Variants in PHF20 observed in about 807,000 individuals in gnomAD.
PHF20 encodes the protein PHD finger protein 20.
PHF20 carries 23 observed loss-of-function variants against 113.5 expected under a neutral mutation model. That is an observed-to-expected ratio of 0.20 (90% CI 0.15 to 0.29). The LOEUF is 0.29. Ranked by LOEUF, PHF20 falls within the 10% of genes least tolerant of loss-of-function variation. The pLI, the probability that PHF20 is intolerant of heterozygous loss-of-function variation, is 1.00. For missense variants in PHF20, 943 were observed against 1,219.6 expected (o/e 0.77, Z 3.38); for synonymous variants, 434 against 457.3 (o/e 0.95, Z 0.65).
At chr20:35,897,716 G>C (rs9753593) in intron 9 of PHF20, among the ~76,000 whole-genome samples, 6 of 151,488 alleles carry the variant, frequency 4.0e-5, no homozygotes, top group African/African-American at 9.7e-5. Context: ...ACAGGTGCCC[G>C]ACACCACGCC....
intron 2 of PHF20, among the ~76,000 whole-genome samples, chr20:35,823,732 C>T (rs1360717457): frequency 1.3e-5 from 2 of 151,880 alleles, no homozygotes; most frequent in African/African-American, 4.8e-5. Context: ...TGTAATCAGC[C>T]TCTCCTGGCA....
chr20:35,833,141 T>C (rs1372840921), intron 2 of PHF20, among the ~76,000 whole-genome samples: 1 of 152,134 alleles, frequency 6.6e-6, no homozygotes, highest in Non-Finnish European at 1.5e-5. Context: ...AGAAAATGTT[T>C]GTGGAATTAT....
chr20:35,874,520 G>T (rs1600858407), intron 9 of PHF20, among the ~76,000 whole-genome samples: 1 of 151,098 alleles, frequency 6.6e-6, no homozygotes. Context: ...GTCTCACTCT[G>T]TTTCCCAGGC....
At chr20:35,920,753 T>C (rs978430388) in intron 13 of PHF20, among the ~76,000 whole-genome samples, 5 of 152,288 alleles carry the variant, frequency 3.3e-5, no homozygotes, top group South Asian at 2.1e-4. Context: ...CACACATACA[T>C]ACCCACACTT....
chr20:35,851,597 T>A (rs2042732762), intron 4 of PHF20, among the ~76,000 whole-genome samples: 1 of 151,934 alleles, frequency 6.6e-6, no homozygotes, highest in African/African-American at 2.4e-5. Flanking sequence ...CCGCCCCTTT[T>A]TTTTTGCCTA....
chr20:35,933,498 G>A (rs543810721), intron 15 of PHF20, among the ~76,000 whole-genome samples: 2 of 151,986 alleles, frequency 1.3e-5, no homozygotes, highest in East Asian at 1.9e-4. Context: ...CTGGGTTCAC[G>A]CCATTCTCCT....
chr20:35,898,090 G>A (rs1041245853), intron 9 of PHF20, among the ~76,000 whole-genome samples: 1 of 151,494 alleles, frequency 6.6e-6, no homozygotes, highest in Admixed American at 6.6e-5. Flanking sequence ...TGTCCAGGCT[G>A]GTCCGAACTC....
intron 9 of PHF20, among the ~76,000 whole-genome samples, chr20:35,881,959 G>A (rs144736304): frequency 1.4e-3 from 211 of 152,246 alleles, no homozygotes; most frequent in Non-Finnish European, 2.7e-3. Flanking sequence ...CATAACTTAC[G>A]GATTCTAGTT....
intron 9 of PHF20, among the ~76,000 whole-genome samples, chr20:35,879,962 A>T (rs1369174075): frequency 1.3e-5 from 2 of 152,090 alleles, no homozygotes; most frequent in African/African-American, 2.4e-5. Flanking sequence ...ACTGTGCTCC[A>T]GAGCTGTGAC....
Position 35,879,599 on chromosome 20 carries a change from T to C in PHF20, c.1282+7770T>C, listed in dbSNP as rs572760694. On this transcript the variant is annotated intron_variant, in intron 9 of 17. Coordinates refer to ENST00000374012, the MANE Select transcript of PHF20 (RefSeq NM_016436.5). Reference sequence around the variant, plus strand: ...TTGGCCAGACAGTGTACCCAAACTTTTATATACCATCGAATGTTATTACAC... The same window carrying C: ...TTGGCCAGACAGTGTACCCAAACTTCTATATACCATCGAATGTTATTACAC... 5.3e-5 allele frequency among the ~76,000 whole-genome samples: 8 copies of C among 152,248 alleles called. No individual in the cohort carries two copies. In the South Asian group the frequency reaches 1.7e-3, roughly 32 times the overall value.
intron 2 of PHF20, among the ~76,000 whole-genome samples, chr20:35,837,325 TC>T (rs1175364332): frequency 1.3e-5 from 2 of 152,220 alleles, no homozygotes; most frequent in Non-Finnish European, 2.9e-5. Context: ...CCCTATCTCC[TC>T]CTAAGAGCTA....
At chr20:35,870,927 G>T in intron 7 of PHF20, 28 bp from the exon 8 acceptor site, 1 of 1,539,694 alleles carries the variant, frequency 6.5e-7, no homozygotes, top group South Asian at 1.2e-5. Context: ...TTGGTCTCTT[G>T]ACTACAACTC....
intron 1 of PHF20, among the ~76,000 whole-genome samples, chr20:35,789,171 T>C (rs1238455435): frequency 6.6e-6 from 1 of 151,936 alleles, no homozygotes; most frequent in African/African-American, 2.4e-5. Context: ...ACCCCAGCAC[T>C]TTGGGAGGCT....
chr20:35,873,870 T>C (rs543598264), intron 9 of PHF20, among the ~76,000 whole-genome samples: 1 of 152,254 alleles, frequency 6.6e-6, no homozygotes, highest in Admixed American at 6.5e-5. Context: ...AGAGTTAATA[T>C]TTAACCACTT....
At chr20:35,801,440 C>A (rs2041779228) in intron 1 of PHF20, 51 bp from the exon 2 acceptor site, 1 of 912,542 alleles carries the variant, frequency 1.1e-6, no homozygotes, top group Non-Finnish European at 1.8e-6. Context: ...TGATGCTACA[C>A]TCTGGGTGGA....
intron 9 of PHF20, among the ~76,000 whole-genome samples, chr20:35,881,140 C>T (rs1233947807): frequency 6.9e-6 from 1 of 144,852 alleles, no homozygotes; most frequent in African/African-American, 2.6e-5. Context: ...TCACTGCAAC[C>T]TTCGCCTCCT....
intron 10 of PHF20, among the ~76,000 whole-genome samples, chr20:35,912,514 T>G (rs2055325578): frequency 6.6e-6 from 1 of 152,106 alleles, no homozygotes; most frequent in Non-Finnish European, 1.5e-5. Flanking sequence ...GGTACCTCAA[T>G]TTTTAGAAAA....
chr20:35,902,260 G>A (rs1368705561), intron 10 of PHF20, among the ~76,000 whole-genome samples: 3 of 152,196 alleles, frequency 2.0e-5, no homozygotes, highest in Admixed American at 1.3e-4. Flanking sequence ...GTAAATGGAG[G>A]TCATTGAGGT....
chr20:35,922,931 C>T (rs1025333968), intron 13 of PHF20, among the ~76,000 whole-genome samples: 3 of 151,968 alleles, frequency 2.0e-5, no homozygotes, highest in South Asian at 2.1e-4. Flanking sequence ...GCCTGGGCAA[C>T]GTGGCAAACC....
Sources: gnomAD v4.1 joint callset for allele counts (sites outside exome capture counted in the v4.1 genomes callset) on GRCh38, gnomAD v4.1.1 for gene constraint, MANE v1.5 for transcripts, NCBI Gene and HGNC (gene_info 2026-07-23, HGNC 2026-07-21) for gene names.